ADAMTSL3: variants seen among roughly 807,000 people sequenced by gnomAD.
The protein encoded by ADAMTSL3 is ADAMTS-like protein 3.
A neutral mutation model predicts 201.7 loss-of-function variants in ADAMTSL3; 128 were observed. The observed-to-expected ratio is 0.63, with a 90% CI of 0.55 to 0.73. The LOEUF (loss-of-function observed/expected upper bound fraction) is 0.73, where lower values mean the gene tolerates loss of function less well. ADAMTSL3 is among the 30% of genes least tolerant of loss of function. The pLI is 0.00. For synonymous variants in ADAMTSL3, 738 were observed against 748.4 expected, an observed-to-expected ratio of 0.99 and a Z score of 0.23; for missense variants, 1,990 against 2,119.6, an observed-to-expected ratio of 0.94 and a Z score of 1.20.
At chr15:83,799,051 T>C (rs746987716) in intron 4 of ADAMTSL3, among the ~76,000 whole-genome samples, 4 of 152,128 alleles carry the variant, frequency 2.6e-5, no homozygotes, top group Non-Finnish European at 5.9e-5. Flanking sequence ...TACTCTGAGA[T>C]TTTTAAGAAG....
chr15:83,856,482 CT>C (rs1168243895), intron 7 of ADAMTSL3, among the ~76,000 whole-genome samples: 1 of 151,896 alleles, frequency 6.6e-6, no homozygotes, highest in African/African-American at 2.4e-5. Flanking sequence ...TGGCCCCCTC[CT>C]TTTTTTTAAA....
chr15:83,910,979 A>C (rs2065921863), intron 15 of ADAMTSL3, among the ~76,000 whole-genome samples: 1 of 152,116 alleles, frequency 6.6e-6, no homozygotes, highest in Non-Finnish European at 1.5e-5. Flanking sequence ...CGAGATTCTC[A>C]ATCACCAAGA....
intron 2 of ADAMTSL3, among the ~76,000 whole-genome samples, chr15:83,691,905 C>T (rs1186015435): frequency 3.9e-5 from 6 of 152,092 alleles, no homozygotes; most frequent in African/African-American, 7.2e-5. Context: ...TGAACCACGG[C>T]GCCCAGCGTC....
At position 83,982,311 on chromosome 15, in the gene ADAMTSL3, G is replaced by C; in HGVS notation, c.2683G>C (p.Gly895Arg). 2.5e-6 allele frequency: 4 copies of C among 1,611,268 alleles called. No homozygotes were observed. Among genetic ancestry groups the C allele is most frequent in the Non-Finnish European group, 3.4e-6 (4 of 1,178,048 alleles). ...GATGAAGACAAAACTTGGTGAGCAG[G>C]GTCCGCAGATCCTCAGTGTCCAGAG... The part of the protein sequence containing the change: ...SEMKTKLGEQ[G>R]PQILSVQRVY... Residue 895 changes from glycine (G) to arginine (R), a missense_variant, in exon 21 of 30, where the codon GGT (glycine) becomes CGT (arginine). By Grantham distance (125) the Gly-to-Arg change is moderately radical. Coordinates refer to ENST00000286744, the MANE Select transcript of ADAMTSL3 (RefSeq NM_207517.3).
intron 16 of ADAMTSL3, among the ~76,000 whole-genome samples, chr15:83,914,448 T>G (rs1045133595): frequency 6.6e-6 from 1 of 152,242 alleles, no homozygotes. Context: ...ATTCAACTTC[T>G]ATACCTGCGT....
At position 83,983,250 on chromosome 15, in the gene ADAMTSL3, A is replaced by C; in HGVS notation, c.3622A>C (p.Thr1208Pro). Reference sequence around the variant, plus strand: ...AAATACAGTATACATTACAAAAAGGACAGAGGTCATCAATATACTGTGTGA... The same window carrying C: ...AAATACAGTATACATTACAAAAAGGCCAGAGGTCATCAATATACTGTGTGA... ...IGNTVYITKR[T>P]EVINILCDLI... The change falls in exon 21 of 30, where the codon ACA (threonine) becomes CCA (proline). Residue 1208 changes from threonine to proline, a missense_variant. Physicochemically the swap from Thr to Pro is conservative, Grantham distance 38. Transcript: ENST00000286744. 1 of 1,613,658 alleles carries C rather than the reference A, an allele frequency of 6.2e-7. No homozygotes were observed. The highest frequency in any genetic ancestry group is 8.5e-7 in the Non-Finnish European group (1 of 1,179,808).
chr15:83,869,110 A>C (rs899675322), intron 8 of ADAMTSL3, among the ~76,000 whole-genome samples: 14 of 152,216 alleles, frequency 9.2e-5, no homozygotes, highest in African/African-American at 3.4e-4. Flanking sequence ...ATTTCAGGCT[A>C]AATCAGTGTC....
chr15:83,789,649 A>C (rs781728922), intron 4 of ADAMTSL3, among the ~76,000 whole-genome samples: 5 of 152,134 alleles, frequency 3.3e-5, no homozygotes, highest in African/African-American at 7.2e-5. Context: ...TATTTTAGGA[A>C]CCAAGTGAGG....
intron 10 of ADAMTSL3, among the ~76,000 whole-genome samples, chr15:83,888,605 G>A (rs1292583888): frequency 6.6e-6 from 1 of 152,122 alleles, no homozygotes; most frequent in Non-Finnish European, 1.5e-5. Flanking sequence ...AAGGTACCGG[G>A]GGTACTTGAA....
At chr15:83,835,212 C>T (rs973969235) in intron 6 of ADAMTSL3, among the ~76,000 whole-genome samples, 6 of 123,964 alleles carry the variant, frequency 4.8e-5, no homozygotes, top group Admixed American at 1.0e-4. Context: ...CCAGCTTGGG[C>T]GGCAGAGCAA....
intron 10 of ADAMTSL3, among the ~76,000 whole-genome samples, chr15:83,887,815 T>G (rs761002312): frequency 1.1e-4 from 16 of 152,224 alleles, no homozygotes; most frequent in Admixed American, 2.6e-4. Flanking sequence ...GGTCTCCAAC[T>G]GGTGGGCCCA....
chr15:83,801,651 A>AT lies in ADAMTSL3; in HGVS notation c.318-2999_318-2998insT, dbSNP rs2063518564. 2.6e-3 allele frequency among the ~76,000 whole-genome samples: 80 copies of AT among 31,194 alleles called. 1 individual carries two copies. Among genetic ancestry groups the AT allele is most frequent in the Non-Finnish European group, 4.6e-3 (68 of 14,908 alleles). The allele number at this position is 31,194 out of a possible 152,430, so 20.5% of individuals were successfully genotyped here. ...TTATATATATAAATATATAAATATAAATATATATATATATATATATATATA... is the reference window on the plus strand; with the variant it reads ...TTATATATATAAATATATAAATATAATATATATATATATATATATATATATA... On this transcript the variant is annotated intron_variant, in intron 4 of 29. Transcript: ENST00000286744.
chr15:83,873,902 T>C (rs1383920351), intron 9 of ADAMTSL3, among the ~76,000 whole-genome samples: 1 of 144,494 alleles, frequency 6.9e-6, no homozygotes, highest in Non-Finnish European at 1.5e-5. Flanking sequence ...TAAAGTAGGG[T>C]TATTATTATT....
intron 4 of ADAMTSL3, among the ~76,000 whole-genome samples, chr15:83,783,835 C>T (rs1298816468): frequency 1.5e-5 from 1 of 65,452 alleles, no homozygotes; most frequent in Non-Finnish European, 3.2e-5. Context: ...TGCATATATA[C>T]TCTGTGTGTG....
At chr15:84,020,968 C>G (rs1371444397) in intron 25 of ADAMTSL3, among the ~76,000 whole-genome samples, 1 of 152,160 alleles carries the variant, frequency 6.6e-6, no homozygotes, top group Admixed American at 6.5e-5. Flanking sequence ...ATCCCTAGTC[C>G]CTGTTCCTCC....
chr15:83,833,127 G>A (rs1253583005), intron 6 of ADAMTSL3, among the ~76,000 whole-genome samples: 1 of 152,166 alleles, frequency 6.6e-6, no homozygotes, highest in African/African-American at 2.4e-5. Flanking sequence ...TCCCCACTTT[G>A]TTGATAAGGA....
intron 5 of ADAMTSL3, among the ~76,000 whole-genome samples, chr15:83,815,154 A>T (rs2063753448): frequency 6.6e-6 from 1 of 152,034 alleles, no homozygotes; most frequent in South Asian, 2.1e-4. Flanking sequence ...GGCTACCTGC[A>T]CTGACTGACA....
intron 21 of ADAMTSL3, 104 bp from the exon 22 acceptor site, chr15:83,988,587 G>A: frequency 1.9e-6 from 2 of 1,050,102 alleles, no homozygotes; most frequent in South Asian, 2.6e-5. Context: ...AGCTTTGCCA[G>A]CCCAAAGCCT....
intron 6 of ADAMTSL3, among the ~76,000 whole-genome samples, chr15:83,822,592 C>T (rs1175661715): frequency 7.6e-5 from 10 of 131,854 alleles, no homozygotes; most frequent in African/African-American, 1.2e-4. Flanking sequence ...ACATCTCAGA[C>T]GATGGGCGGC....
Sources: allele counts gnomAD v4.1 joint callset (sites outside exome capture counted in the v4.1 genomes callset), GRCh38; gene constraint gnomAD v4.1.1; transcripts MANE v1.5; gene names NCBI Gene and HGNC (gene_info 2026-07-23, HGNC 2026-07-21).